Variants in ADAMTSL1 observed in about 807,000 individuals in gnomAD.
The protein encoded by ADAMTSL1 is ADAMTS-like protein 1.
In ADAMTSL1, 126 loss-of-function variants were observed where a neutral mutation model predicts 201.8. That is an observed-to-expected ratio of 0.62 (90% CI 0.54 to 0.72). The LOEUF is 0.72. Among genes scored for constraint, ADAMTSL1 ranks in the 30% least tolerant of loss-of-function variants. ADAMTSL1 has a pLI of 0.00. For missense variants in ADAMTSL1, 2,679 were observed against 2,277.8 expected (o/e 1.18, Z -3.59); for synonymous variants, 1,121 against 903.4 (o/e 1.24, Z -4.32).
In ADAMTSL1 at chr9:18,681,818, G is replaced by A. The variant is rs773509373; in HGVS notation, c.1348G>A (p.Val450Met). The A allele has an allele frequency of 1.2e-6, 2 of 1,611,762 alleles. No individual in the cohort carries two copies. Among genetic ancestry groups the A allele is most frequent in the Non-Finnish European group, 1.7e-6 (2 of 1,178,674 alleles). Reference sequence around the variant, plus strand: ...TCTTGCAATCTCTTTCCAGTGCACAGTGACATGTGGCCAGGGCCTCAGATA... The same window carrying A: ...TCTTGCAATCTCTTTCCAGTGCACAATGACATGTGGCCAGGGCCTCAGATA... Reference protein sequence around the residue: ...WLAQEWSPCTVTCGQGLRYRV... With the variant: ...WLAQEWSPCTMTCGQGLRYRV... Residue 450 changes from valine (V) to methionine (M), a missense_variant, in exon 12 of 29, where the codon GTG becomes ATG. Physicochemically the swap from Val to Met is conservative, Grantham distance 21. Coordinates refer to ENST00000380548, the MANE Select transcript of ADAMTSL1 (RefSeq NM_001040272.6).
At chr9:17,963,310 A>T (rs938641458) in intron 1 of ADAMTSL1, among the ~76,000 whole-genome samples, 1 of 152,122 alleles carries the variant, frequency 6.6e-6, no homozygotes, top group Admixed American at 6.6e-5. Flanking sequence ...TTATCCCTTT[A>T]TATGGTTGGA....
intron 14 of ADAMTSL1, among the ~76,000 whole-genome samples, chr9:18,712,537 GA>G (rs1422727619): frequency 1.3e-5 from 2 of 152,022 alleles, no homozygotes; most frequent in African/African-American, 4.8e-5. Context: ...AGCGAGAAGG[GA>G]AGTTTAGAGA....
chr9:17,976,608 C>A (rs1818458768), intron 1 of ADAMTSL1, among the ~76,000 whole-genome samples: 1 of 151,574 alleles, frequency 6.6e-6, no homozygotes, highest in South Asian at 2.1e-4. Context: ...TTACTGAGTT[C>A]TTTGATCAGT....
intron 6 of ADAMTSL1, among the ~76,000 whole-genome samples, chr9:18,637,490 A>G (rs910557525): frequency 2.0e-5 from 3 of 152,146 alleles, no homozygotes; most frequent in Admixed American, 1.3e-4. Flanking sequence ...TATTTTTATA[A>G]ATGTATTAGT....
intron 1 of ADAMTSL1, among the ~76,000 whole-genome samples, chr9:18,086,156 A>G (rs965352171): frequency 2.0e-5 from 3 of 152,112 alleles, no homozygotes; most frequent in African/African-American, 7.2e-5. Context: ...TTATGTTTGA[A>G]GTGCCTATTG....
chr9:18,694,056 C>A (rs911266453), intron 13 of ADAMTSL1, among the ~76,000 whole-genome samples: 2 of 152,076 alleles, frequency 1.3e-5, no homozygotes, highest in African/African-American at 4.8e-5. Flanking sequence ...TCTTACATGG[C>A]TAGACAAGGA....
At chr9:17,953,334 G>T (rs1207724431) in intron 1 of ADAMTSL1, among the ~76,000 whole-genome samples, 3 of 152,150 alleles carry the variant, frequency 2.0e-5, no homozygotes, top group African/African-American at 7.2e-5. Context: ...TTGGCAGAAC[G>T]TTGGGAGATT....
At chr9:18,658,213 A>G (rs1314218856) in intron 8 of ADAMTSL1, among the ~76,000 whole-genome samples, 1 of 152,118 alleles carries the variant, frequency 6.6e-6, no homozygotes, top group African/African-American at 2.4e-5. Flanking sequence ...TGACCTCGTG[A>G]TCCGCCCACC....
intron 16 of ADAMTSL1, among the ~76,000 whole-genome samples, chr9:18,760,789 C>T (rs548581389): frequency 6.6e-6 from 1 of 152,334 alleles, no homozygotes; most frequent in East Asian, 1.9e-4. Context: ...ATGCCATGTC[C>T]CTTTGCACCT....
At chr9:18,307,295 C>T (rs1295585916) in intron 2 of ADAMTSL1, among the ~76,000 whole-genome samples, 1 of 152,106 alleles carries the variant, frequency 6.6e-6, no homozygotes, top group Non-Finnish European at 1.5e-5. Context: ...AACTAACAGG[C>T]AAAATAACCA....
chr9:18,477,968 A>G (rs1026971539), intron 1 of ADAMTSL1, among the ~76,000 whole-genome samples: 9 of 152,208 alleles, frequency 5.9e-5, no homozygotes, highest in African/African-American at 2.2e-4. Context: ...GAAAAAGCAT[A>G]TGGAAATTGA....
chr9:18,010,590 G>A (rs941768141), intron 1 of ADAMTSL1, among the ~76,000 whole-genome samples: 3 of 151,958 alleles, frequency 2.0e-5, no homozygotes, highest in Non-Finnish European at 4.4e-5. Context: ...AATTCCATGG[G>A]AAGTTAGAGA....
At chr9:18,167,031 C>A (rs1188980213) in intron 2 of ADAMTSL1, among the ~76,000 whole-genome samples, 1 of 151,878 alleles carries the variant, frequency 6.6e-6, no homozygotes, top group Admixed American at 6.6e-5. Flanking sequence ...AGCCATTTGT[C>A]TAGAAGCCAC....
At chr9:17,936,480 G>C (rs1171145712) in intron 1 of ADAMTSL1, among the ~76,000 whole-genome samples, 1 of 152,142 alleles carries the variant, frequency 6.6e-6, no homozygotes, top group East Asian at 1.9e-4. Flanking sequence ...CCTCAGGCGA[G>C]TCTAGTAGCC....
At position 18,255,435 on chromosome 9, in the gene ADAMTSL1, G is replaced by C. The variant is rs2132510401; in HGVS notation, c.207+91454G>C. ...TTTCACATGTCAGTACTTAATTTCT[G>C]CAGAGTCAGAAAGAAGGCTTTGTTT... On this transcript the variant is annotated intron_variant, in intron 2 of 29. Transcript: ENST00000680146. Among the ~76,000 whole-genome samples, 2 of 152,152 alleles carry C rather than the reference G, an allele frequency of 1.3e-5. 1 individual carries two copies. The highest frequency in any genetic ancestry group is 4.1e-4 in the South Asian group (2 of 4,822).
intron 2 of ADAMTSL1, among the ~76,000 whole-genome samples, chr9:18,332,780 C>G (rs537325389): frequency 5.3e-5 from 8 of 152,078 alleles, no homozygotes; most frequent in Non-Finnish European, 7.4e-5. Flanking sequence ...ATCCTCTGGC[C>G]CATTGAACCG....
At chr9:18,453,207 C>A (rs557302364) in intron 2 of ADAMTSL1, among the ~76,000 whole-genome samples, 15 of 152,134 alleles carry the variant, frequency 9.9e-5, no homozygotes, top group Non-Finnish European at 2.1e-4. Flanking sequence ...TGGGCTATAG[C>A]AAGGGTGGAT....
At chr9:17,936,561 C>G (rs1316078834) in intron 1 of ADAMTSL1, among the ~76,000 whole-genome samples, 1 of 152,200 alleles carries the variant, frequency 6.6e-6, no homozygotes, top group Non-Finnish European at 1.5e-5. Context: ...CTCTAACAAT[C>G]TGTGAATGTG....
intron 1 of ADAMTSL1, among the ~76,000 whole-genome samples, chr9:18,158,571 C>A (rs942316281): frequency 6.6e-6 from 1 of 151,982 alleles, no homozygotes; most frequent in South Asian, 2.1e-4. Flanking sequence ...CCTTGTTTAT[C>A]ACAAGTGAAA....
Sources: gnomAD v4.1 joint callset for allele counts (sites outside exome capture counted in the v4.1 genomes callset) on GRCh38, gnomAD v4.1.1 for gene constraint, MANE v1.5 for transcripts, NCBI Gene and HGNC (gene_info 2026-07-23, HGNC 2026-07-21) for gene names.